AMOTL1: variants seen among roughly 807,000 people sequenced by gnomAD.
The protein encoded by AMOTL1 is angiomotin like 1, also known as angiomotin-like protein 1.
In AMOTL1, 45 loss-of-function variants were observed where a neutral mutation model predicts 102.9. The observed-to-expected ratio is 0.44, with a 90% CI of 0.34 to 0.56. The LOEUF (loss-of-function observed/expected upper bound fraction) is 0.56. Among genes scored for constraint, AMOTL1 ranks in the 20% least tolerant of loss-of-function variants. The pLI is 0.01. For synonymous variants in AMOTL1, 481 were observed against 484.7 expected (o/e 0.99, Z 0.10); for missense variants, 1,114 against 1,225.6 (o/e 0.91, Z 1.36).
intron 6 of AMOTL1, among the ~76,000 whole-genome samples, chr11:94,846,954 A>G (rs1158138788): frequency 1.3e-5 from 2 of 152,212 alleles, no homozygotes; most frequent in Non-Finnish European, 2.9e-5. Flanking sequence ...TATTGTTACT[A>G]CTATTATCAT....
chr11:94,724,918 A>G (rs961274814), intron 1 of AMOTL1, among the ~76,000 whole-genome samples: 2 of 152,176 alleles, frequency 1.3e-5, no homozygotes, highest in African/African-American at 4.8e-5. Flanking sequence ...ATGCTACCTG[A>G]TTCCCCAGAC....
chr11:94,777,505 T>A (rs1489779505), intron 1 of AMOTL1, among the ~76,000 whole-genome samples: 2 of 152,156 alleles, frequency 1.3e-5, no homozygotes, highest in African/African-American at 4.8e-5. Flanking sequence ...CAAAATAAAT[T>A]CCAGGAGTTT....
At chr11:94,741,886 T>C (rs968371031) in intron 3 of AMOTL1, among the ~76,000 whole-genome samples, 5 of 152,214 alleles carry the variant, frequency 3.3e-5, no homozygotes, top group African/African-American at 1.2e-4. Flanking sequence ...AGGGGAACTG[T>C]CCACAAACAG....
chr11:94,768,195 C>A, upstream of AMOTL1: 1 of 996,036 alleles, frequency 1.0e-6, no homozygotes, highest in Non-Finnish European at 1.2e-6. Flanking sequence ...TTCAGCCTGG[C>A]AGTCTCGCGG....
At chr11:94,828,873 T>C (rs914182912) in intron 4 of AMOTL1, among the ~76,000 whole-genome samples, 4 of 152,120 alleles carry the variant, frequency 2.6e-5, no homozygotes, top group Admixed American at 2.0e-4. Context: ...TTCAACCCCA[T>C]CAGCTTTGCC....
At position 94,799,500 on chromosome 11, in the gene AMOTL1, C is replaced by G. The variant is rs1466986582; in HGVS notation, c.310C>G (p.Gln104Glu). ...AAGTVLQRLIQEQLRYGTPTE... is the reference protein window; with the variant it reads ...AAGTVLQRLIEEQLRYGTPTE... Reference sequence around the variant, plus strand: ...TGGAACAGTATTGCAGCGGCTGATCCAGGAACAACTGCGGTATGGCACCCC... The same window carrying G: ...TGGAACAGTATTGCAGCGGCTGATCGAGGAACAACTGCGGTATGGCACCCC... Residue 104 changes from glutamine (Q) to glutamate (E), a missense_variant, in exon 3 of 13, where the codon CAG (glutamine) becomes GAG (glutamate). Transcript: ENST00000433060. The surrounding 1 kb of genome is among the most constrained non-coding windows in gnomAD (Gnocchi z 4.5). 5.0e-6 allele frequency: 8 copies of G among 1,612,832 alleles called. No homozygotes were observed. The highest frequency in any genetic ancestry group is 4.5e-5 in the East Asian group (2 of 44,854).
Position 94,876,410 on chromosome 11 carries a change from C to T in AMOTL1, c.*5615C>T, listed in dbSNP as rs562683648. On this transcript the variant is annotated 3_prime_UTR_variant, in exon 13 of 13. Transcript: ENST00000433060. ...GTCGCTGTGCTTGGTGGCAGTGTGCCGTGCTCGTGCCGGCTCTTCCCAGCA... is the reference window on the plus strand; with the variant it reads ...GTCGCTGTGCTTGGTGGCAGTGTGCTGTGCTCGTGCCGGCTCTTCCCAGCA... 2.0e-5 allele frequency: 3 copies of T among 152,686 alleles called. No individual in the cohort carries two copies. Among genetic ancestry groups the T allele is most frequent in the Admixed American group, 1.3e-4 (2 of 15,292 alleles). 9.5% of individuals were successfully genotyped at this position (152,686 alleles called of 1,614,324 possible). A position where few individuals can be genotyped will look rare whatever the true frequency, so the allele number is the denominator to read the frequency against.
chr11:94,802,114 A>C (rs1257100027), intron 3 of AMOTL1, among the ~76,000 whole-genome samples: 1 of 152,140 alleles, frequency 6.6e-6, no homozygotes, highest in East Asian at 1.9e-4. Flanking sequence ...AGCATAACCA[A>C]CTGTGAGATC....
chr11:94,861,750 C>T (rs1454792702), intron 9 of AMOTL1, among the ~76,000 whole-genome samples: 4 of 152,184 alleles, frequency 2.6e-5, no homozygotes, highest in Admixed American at 1.3e-4. Context: ...GGGGCTTCCA[C>T]GTGTCATTGT....
chr11:94,795,003 T>TC lies in AMOTL1; in HGVS notation c.50-3dup, dbSNP rs1262041958. On this transcript the variant is annotated splice_polypyrimidine_tract_variant and splice_region_variant and intron_variant, in intron 1 of 12. Transcript: ENST00000433060. ...GCACTCATATTCACTTCGCTTTCTT[T>TC]CCCCCAGGGTCCCCTTCTGCTTGTT... The TC allele has an allele frequency of 6.3e-7, 1 of 1,597,726 alleles. No homozygotes were observed. Among genetic ancestry groups the TC allele is most frequent in the Admixed American group, 1.8e-5 (1 of 55,972 alleles).
intron 1 of AMOTL1, among the ~76,000 whole-genome samples, chr11:94,788,024 C>G (rs1190451592): frequency 2.6e-5 from 4 of 152,156 alleles, no homozygotes; most frequent in Non-Finnish European, 5.9e-5. Context: ...ATAGTGCTAT[C>G]GCAGGTAGTT....
chr11:94,714,798 A>T (rs919557812), intron 1 of AMOTL1, among the ~76,000 whole-genome samples: 1 of 151,820 alleles, frequency 6.6e-6, no homozygotes, highest in Non-Finnish European at 1.5e-5. Flanking sequence ...AATTATATCA[A>T]TTTTTTCCAC....
chr11:94,864,766 G>T lies in AMOTL1; in HGVS notation c.2167G>T (p.Gly723Cys). 6.2e-7 allele frequency: 1 copy of T among 1,613,760 alleles called. No homozygotes were observed. Among genetic ancestry groups the T allele is most frequent in the Non-Finnish European group, 8.5e-7 (1 of 1,179,740 alleles). Residue 723 changes from glycine (G) to cysteine (C), a missense_variant, in exon 10 of 13, where the codon GGC becomes TGC. Gly to Cys is a radical substitution (Grantham distance 159, BLOSUM62 -3). Transcript: ENST00000433060. ...DTTIINHSRN[G>C]SYGESSLEAH... is the part of the protein sequence containing the mutation. Reference sequence around the variant, plus strand: ...CACGATCATCAACCACTCACGGAATGGCAGCTACGGAGAGAGCTCGCTGGA... The same window carrying T: ...CACGATCATCAACCACTCACGGAATTGCAGCTACGGAGAGAGCTCGCTGGA...
chr11:94,864,841 T>G lies in AMOTL1; in HGVS notation c.2242T>G (p.Cys748Gly), dbSNP rs758332509. ...GGAGGTGGTGCAGGCCAACAGAAGG[T>G]GTCAGGACATGGAATACACGTAAGG... ...EEEVVQANRR[C>G]QDMEYTIKNL... is the part of the protein sequence containing the mutation. The change falls in exon 10 of 13, where the codon TGT (cysteine) becomes GGT (glycine). Residue 748 changes from cysteine (C) to glycine (G), a missense_variant. Transcript: ENST00000433060. The G allele has an allele frequency of 8.7e-6, 14 of 1,613,556 alleles. No homozygotes were observed. The highest frequency in any genetic ancestry group is 1.1e-5 in the Non-Finnish European group (13 of 1,179,680).
chr11:94,809,119 T>A (rs1951623784), intron 3 of AMOTL1, among the ~76,000 whole-genome samples: 1 of 151,900 alleles, frequency 6.6e-6, no homozygotes, highest in African/African-American at 2.4e-5. Flanking sequence ...TACAGGTGCA[T>A]GCCACCACAC....
chr11:94,785,935 C>T (rs2135540892), intron 1 of AMOTL1, among the ~76,000 whole-genome samples: 1 of 152,252 alleles, frequency 6.6e-6, no homozygotes, highest in East Asian at 1.9e-4. Flanking sequence ...GCTGGTAATA[C>T]TTGTTCACTC....
At chr11:94,785,321 C>T (rs963844310) in intron 1 of AMOTL1, among the ~76,000 whole-genome samples, 1 of 152,128 alleles carries the variant, frequency 6.6e-6, no homozygotes. Context: ...GTCAAAAGAG[C>T]TTTTCTGTTG....
At chr11:94,725,290 G>A (rs909718758) in intron 1 of AMOTL1, among the ~76,000 whole-genome samples, 1 of 152,084 alleles carries the variant, frequency 6.6e-6, no homozygotes, top group Admixed American at 6.6e-5. Flanking sequence ...GGCCAGAACA[G>A]GGCCAGGAAG....
At chr11:94,853,860 C>T in intron 7 of AMOTL1, 73 bp from the exon 8 acceptor site, 5 of 1,539,662 alleles carry the variant, frequency 3.2e-6, no homozygotes, top group Non-Finnish European at 4.4e-6. Flanking sequence ...GTAATCTGAC[C>T]CCACCTCCTC....
Sources: gnomAD v4.1 joint callset for allele counts (sites outside exome capture counted in the v4.1 genomes callset) on GRCh38, gnomAD v4.1.1 for gene constraint, Gnocchi (gnomAD v3.1) non-coding constraint, MANE v1.5 for transcripts, NCBI Gene and HGNC (gene_info 2026-07-23, HGNC 2026-07-21) for gene names.